The following ANKMY1 variants were observed in gnomAD, a reference collection of about 807,000 sequenced individuals.
ANKMY1 encodes the protein ankyrin repeat and MYND domain containing 1.
A neutral mutation model predicts 102.0 loss-of-function variants in ANKMY1; 98 were observed. The ratio of observed to expected loss-of-function variants is 0.96; its 90% CI spans 0.82 to 1.14. The LOEUF (loss-of-function observed/expected upper bound fraction) is 1.14, where lower values mean the gene tolerates loss of function less well. Among genes scored for constraint, ANKMY1 ranks in the 50% most tolerant of loss-of-function variants. The probability of loss-of-function intolerance (pLI) is 0.00; values close to 1 mark genes in which losing one functional copy is unlikely to be tolerated. For synonymous variants in ANKMY1, 582 were observed against 559.9 expected (o/e 1.04, Z -0.56); for missense variants, 1,330 against 1,347.6 (o/e 0.99, Z 0.20).
At chr2:240,559,753 CAA>C (rs2092783893), upstream of ANKMY1, among the ~76,000 whole-genome samples, 1 of 152,182 alleles carries the variant, frequency 6.6e-6, no homozygotes, top group African/African-American at 2.4e-5. Context: ...GTCTTTAGCT[CAA>C]GAGTGAACCC....
intron 2 of ANKMY1, among the ~76,000 whole-genome samples, chr2:240,556,039 C>T (rs1019878046): frequency 1.3e-5 from 2 of 152,178 alleles, no homozygotes; most frequent in Admixed American, 6.5e-5. Context: ...GCCTGTGGAG[C>T]CGCCTTCTCA....
intron 17 of ANKMY1, among the ~76,000 whole-genome samples, chr2:240,479,937 C>T (rs1360654543): frequency 6.6e-6 from 1 of 152,156 alleles, no homozygotes; most frequent in African/African-American, 2.4e-5. Context: ...ATTGGCTGCG[C>T]GCGGTGGCTC....
intron 12 of ANKMY1, 99 bp downstream of exon 12, chr2:240,509,249 A>AC: frequency 2.0e-6 from 2 of 1,013,390 alleles, no homozygotes; most frequent in Non-Finnish European, 2.9e-6. Flanking sequence ...GGATGGATAA[A>AC]TGGCCAACAA....
At chr2:240,470,599 C>T in the ANKMY1 span, among the ~76,000 whole-genome samples, 1 of 152,126 alleles carries the variant, frequency 6.6e-6, no homozygotes, top group African/African-American at 2.4e-5. Context: ...TACACTCAAT[C>T]TGGGAAAGCA....
intron 2 of ANKMY1, among the ~76,000 whole-genome samples, chr2:240,555,989 G>A (rs565721438): frequency 2.0e-5 from 3 of 152,334 alleles, no homozygotes; most frequent in South Asian, 4.1e-4. Context: ...CCTGGCCAAG[G>A]TGCCAGCAGC....
At chr2:240,519,291 T>G (rs920571433) in intron 9 of ANKMY1, among the ~76,000 whole-genome samples, 9 of 152,146 alleles carry the variant, frequency 5.9e-5, no homozygotes, top group Admixed American at 2.6e-4. Flanking sequence ...GTCTAGATGT[T>G]AAATTAGAGA....
intron 15 of ANKMY1, among the ~76,000 whole-genome samples, chr2:240,489,423 C>T (rs2076396099): frequency 6.6e-6 from 1 of 151,124 alleles, no homozygotes; most frequent in African/African-American, 2.4e-5. Flanking sequence ...TGCCACTGCA[C>T]TCCAGCCTGG....
intron 4 of ANKMY1, among the ~76,000 whole-genome samples, chr2:240,538,952 A>C (rs2087764456): frequency 6.6e-6 from 1 of 152,208 alleles, no homozygotes; most frequent in African/African-American, 2.4e-5. Context: ...TAAATGCACC[A>C]ATCAGCACTC....
chr2:240,520,643 G>T lies in ANKMY1; in HGVS notation c.1833-110C>A. 7.5e-7 allele frequency: 1 copy of T among 1,339,934 alleles called. No individual in the cohort carries two copies. The highest frequency in any genetic ancestry group is 1.0e-6 in the Non-Finnish European group (1 of 1,001,700). 83.0% of individuals were successfully genotyped at this position (1,339,934 alleles called of 1,614,324 possible). Reference sequence around the variant, plus strand: ...GGGGAGGGGCGCGTAGGGAGTATGTGTGTGCCGCAACTACACAATCACACA... The same window carrying T: ...GGGGAGGGGCGCGTAGGGAGTATGTTTGTGCCGCAACTACACAATCACACA... On this transcript the variant is annotated intron_variant, in intron 8 of 17. Coordinates refer to ENST00000401804, the MANE Select transcript of ANKMY1 (RefSeq NM_001282771.3). The surrounding 1 kb of genome is among the most constrained non-coding windows in gnomAD (Gnocchi z 4.8).
rs1386355476 is a variant in ANKMY1, at chr2:240,529,053, G to C, written c.937C>G (p.Gln313Glu). ...ACTAGTCACCTGAACTTGTAAGTTT[G>C]CTTCTGGATTTTGACCAACAAAGGG... ...ETPLLVKIQK[Q>E]TYKFRNKPAH... The change falls in exon 5 of 18, where the codon CAA becomes GAA. Residue 313 changes from glutamine to glutamate, a missense_variant. Physicochemically the swap from Gln to Glu is conservative, Grantham distance 29. Transcript: ENST00000401804. The surrounding 1 kb of genome is among the most constrained non-coding windows in gnomAD (Gnocchi z 4.2). The C allele has an allele frequency of 6.2e-7, 1 of 1,614,062 alleles. No individual in the cohort carries two copies. Among genetic ancestry groups the C allele is most frequent in the South Asian group, 1.1e-5 (1 of 91,072 alleles).
rs568739609 is a variant in ANKMY1 at position 240,504,260 on chromosome 2, C to G, written c.2526+3300G>C. 2.0e-5 allele frequency among the ~76,000 whole-genome samples: 3 copies of G among 152,328 alleles called. No homozygotes were observed. The East Asian group carries it at 5.8e-4, about 29-fold the overall frequency. ...TATGTATACCCCCAAGCCAGGGCAC[C>G]CCTAGGGTTTCAGGGACTCTCTGGA... On this transcript the variant is annotated intron_variant, in intron 13 of 17. Transcript: ENST00000401804.
chr2:240,509,062 T>C (rs541558256), intron 12 of ANKMY1, among the ~76,000 whole-genome samples: 13 of 149,320 alleles, frequency 8.7e-5, no homozygotes, highest in Non-Finnish European at 1.5e-4. Context: ...GAGTGGAGGG[T>C]AGATGGATGG....
At chr2:240,552,251 G>A (rs1421851737) in intron 4 of ANKMY1, among the ~76,000 whole-genome samples, 2 of 152,100 alleles carry the variant, frequency 1.3e-5, no homozygotes, top group African/African-American at 2.4e-5. Flanking sequence ...CGAACCCCTG[G>A]TGTTTCAGTA....
downstream of ANKMY1, among the ~76,000 whole-genome samples, chr2:240,476,594 G>A (rs1196710266): frequency 6.6e-6 from 1 of 152,232 alleles, no homozygotes; most frequent in Non-Finnish European, 1.5e-5. Context: ...TGCAGGTGGA[G>A]ACAGCAGAGC....
upstream of ANKMY1, chr2:240,560,841 C>A (rs768842256): frequency 1.4e-5 from 19 of 1,397,404 alleles, no homozygotes; most frequent in Non-Finnish European, 1.0e-5. Flanking sequence ...CAACGTCTCC[C>A]GCCAGCAGCC....
intron 4 of ANKMY1, among the ~76,000 whole-genome samples, chr2:240,543,028 C>A (rs1325130380): frequency 6.6e-6 from 1 of 151,660 alleles, no homozygotes; most frequent in African/African-American, 2.4e-5. Context: ...TTAAGTAAAT[C>A]TTCACTAAAC....
chr2:240,559,537 C>T, upstream of ANKMY1, among the ~76,000 whole-genome samples: 1 of 152,206 alleles, frequency 6.6e-6, no homozygotes, highest in East Asian at 1.9e-4. Context: ...GAGCCAACTC[C>T]TAGAAAGCGG....
rs143356556 is a variant in ANKMY1, at chr2:240,481,034, G to A, written c.2949C>T (p.Cys983=). ...AGGTCAGGATCCCGTAGCAGCGAGG[G>A]CAGGGCAAGAGGCGGACCCCGATGG... ...GRSIGVRLLP[C]PRCYGILTCS... The change falls in exon 17 of 18, where the codon TGC becomes TGT. Residue 983 remains cysteine, a synonymous_variant. Coordinates refer to ENST00000401804, the MANE Select transcript of ANKMY1 (RefSeq NM_001282771.3). 71 of 1,613,846 alleles carry A rather than the reference G, an allele frequency of 4.4e-5. No homozygotes were observed. The highest frequency in any genetic ancestry group is 5.8e-5 in the Non-Finnish European group (68 of 1,179,892).
intron 12 of ANKMY1, among the ~76,000 whole-genome samples, chr2:240,508,130 G>C (rs2079429168): frequency 6.6e-6 from 1 of 152,248 alleles, no homozygotes; most frequent in Admixed American, 6.5e-5. Context: ...GTGTCAATGT[G>C]ACCACTCGGC....
Sources: allele counts gnomAD v4.1 joint callset (sites outside exome capture counted in the v4.1 genomes callset), GRCh38; gene constraint gnomAD v4.1.1; non-coding constraint Gnocchi (gnomAD v3.1); transcripts MANE v1.5; gene names NCBI Gene and HGNC (gene_info 2026-07-23, HGNC 2026-07-21).